GRHL1: variants seen among roughly 807,000 people sequenced by gnomAD.
GRHL1 encodes the protein grainyhead-like protein 1 homolog.
A neutral mutation model predicts 75.7 loss-of-function variants in GRHL1; 38 were observed. The ratio of observed to expected loss-of-function variants is 0.50; its 90% confidence interval spans 0.39 to 0.66. The LOEUF is 0.66. Ranked by LOEUF, GRHL1 falls within the 30% of genes least tolerant of loss-of-function variation. GRHL1 has a pLI of 0.00. For missense variants in GRHL1, 589 were observed against 767.5 expected (o/e 0.77, Z 2.75); for synonymous variants, 266 against 279.4 (o/e 0.95, Z 0.48).
chr2:9,977,235 G>A (rs1259569346), intron 8 of GRHL1, among the ~76,000 whole-genome samples: 3 of 152,344 alleles, frequency 2.0e-5, no homozygotes, highest in South Asian at 2.1e-4. Context: ...GAGACAGTAT[G>A]TAGATTTTGT....
chr2:9,986,040 T>G, intron 8 of GRHL1, 84 bp from the exon 9 acceptor site: 1 of 895,918 alleles, frequency 1.1e-6, no homozygotes, highest in Non-Finnish European at 1.6e-6. Context: ...ACTTGAGTAA[T>G]TTCAGTGATG....
chr2:9,954,510 C>T (rs989066236), intron 1 of GRHL1, among the ~76,000 whole-genome samples: 4 of 152,264 alleles, frequency 2.6e-5, no homozygotes, highest in South Asian at 4.1e-4. Flanking sequence ...GTGTGATGAA[C>T]GGCACACGCT....
At chr2:10,000,463 G>A (rs1432384895) in intron 15 of GRHL1, 130 bp from the exon 16 acceptor site, 1 of 643,530 alleles carries the variant, frequency 1.6e-6, no homozygotes, top group Non-Finnish European at 2.9e-6. Flanking sequence ...GGAAGTTGAG[G>A]CTTAAGGAGA....
rs994097168 is a variant in GRHL1, at chr2:9,974,664, G to A, written c.1110+9283G>A. ...TCTCTGTCTCATTATTGACCAATTT[G>A]ACTGTTTTCTAACATCCAGGAAATT... On this transcript the variant is annotated intron_variant, in intron 8 of 15. Transcript: ENST00000324907. 6.6e-5 allele frequency among the ~76,000 whole-genome samples: 10 copies of A among 152,310 alleles called. No homozygotes were observed. The South Asian group carries it at 2.1e-3, about 32-fold the overall frequency.
At chr2:9,986,763 G>C (rs998483309) in intron 9 of GRHL1, among the ~76,000 whole-genome samples, 1 of 152,082 alleles carries the variant, frequency 6.6e-6, no homozygotes, top group Admixed American at 6.5e-5. Context: ...CTGGAATTTA[G>C]TGGTGCAATC....
chr2:9,994,698 T>C (rs533846785), intron 12 of GRHL1, among the ~76,000 whole-genome samples: 1 of 152,184 alleles, frequency 6.6e-6, no homozygotes, highest in African/African-American at 2.4e-5. Context: ...CCCCTGCTCC[T>C]GAAGTGGCCA....
chr2:9,989,314 A>G (rs1668546140), intron 9 of GRHL1, among the ~76,000 whole-genome samples: 1 of 152,212 alleles, frequency 6.6e-6, no homozygotes, highest in African/African-American at 2.4e-5. Flanking sequence ...TTCATCCTTA[A>G]CTGGAGCACT....
At chr2:9,965,447 G>T in intron 8 of GRHL1, 66 bp downstream of exon 8, 2 of 852,940 alleles carry the variant, frequency 2.3e-6, no homozygotes, top group Non-Finnish European at 2.0e-6. Flanking sequence ...TTAATGATTT[G>T]ACAACTGATT....
At chr2:9,989,830 G>C (rs987992167) in intron 9 of GRHL1, among the ~76,000 whole-genome samples, 2 of 151,716 alleles carry the variant, frequency 1.3e-5, no homozygotes, top group African/African-American at 2.4e-5. Context: ...GATTACAAGC[G>C]TGAGCCACCG....
chr2:9,986,374 A>G (rs1668417818), intron 9 of GRHL1, 92 bp downstream of exon 9: 1 of 701,912 alleles, frequency 1.4e-6, no homozygotes, highest in Non-Finnish European at 2.3e-6. Context: ...CAAAATGAGA[A>G]TATAGCTGCT....
chr2:9,953,085 T>A (rs1015018563), intron 1 of GRHL1: 4 of 456,614 alleles, frequency 8.8e-6, no homozygotes, highest in African/African-American at 8.0e-5. Context: ...TCTTGACGTA[T>A]AGTTTAGATA....
At position 9,988,780 on chromosome 2, in the gene GRHL1, G is replaced by A. The variant is rs572212897; in HGVS notation, c.1270-1916G>A. 2.8e-4 allele frequency among the ~76,000 whole-genome samples: 43 copies of A among 152,228 alleles called. No individual in the cohort carries two copies. The South Asian group carries it at 8.3e-3, about 29-fold the overall frequency. ...GTTGCCTGCTGGTCAGGGCCTTCTCGTTCTTGTTTCTGCATTTCGTCTGGT... is the reference window on the plus strand; with the variant it reads ...GTTGCCTGCTGGTCAGGGCCTTCTCATTCTTGTTTCTGCATTTCGTCTGGT... On this transcript the variant is annotated intron_variant, in intron 9 of 15. Coordinates refer to ENST00000324907, the MANE Select transcript of GRHL1 (RefSeq NM_198182.3).
At position 9,990,847 on chromosome 2, in the gene GRHL1, C is replaced by T. The variant is rs1473746755; in HGVS notation, c.1321+100C>T. On this transcript the variant is annotated intron_variant, in intron 10 of 15. Transcript: ENST00000324907. The surrounding 1 kb of genome is among the most constrained non-coding windows in gnomAD (Gnocchi z 4.2). Reference sequence around the variant, plus strand: ...CATTGAGAATGGTGGCTGGAGTTTGCACGCAGAAGACAGTGGGTGTTCTTC... The same window carrying T: ...CATTGAGAATGGTGGCTGGAGTTTGTACGCAGAAGACAGTGGGTGTTCTTC... The T allele has an allele frequency of 2.1e-5, 19 of 893,510 alleles. No homozygotes were observed. Among genetic ancestry groups the T allele is most frequent in the Middle Eastern group, 2.2e-4 (1 of 4,500 alleles). 55.3% of individuals were successfully genotyped at this position (893,510 alleles called of 1,614,324 possible). A position where few individuals can be genotyped will look rare whatever the true frequency, so the allele number is the denominator to read the frequency against.
chr2:9,979,445 C>A (rs574892679), intron 8 of GRHL1, among the ~76,000 whole-genome samples: 1 of 152,016 alleles, frequency 6.6e-6, no homozygotes, highest in Non-Finnish European at 1.5e-5. Context: ...CGCTATGTTG[C>A]CCAGGGTGGT....
At chr2:9,973,823 T>G (rs1202883828) in intron 8 of GRHL1, among the ~76,000 whole-genome samples, 1 of 152,160 alleles carries the variant, frequency 6.6e-6, no homozygotes, top group African/African-American at 2.4e-5. Context: ...GTTAAAATGA[T>G]AAAGACTCCC....
At chr2:9,978,660 T>C (rs889054744) in intron 8 of GRHL1, among the ~76,000 whole-genome samples, 8 of 152,206 alleles carry the variant, frequency 5.3e-5, no homozygotes, top group African/African-American at 1.7e-4. Context: ...CTTGGTCTTA[T>C]GAACTTACTC....
rs567262961 is a variant in GRHL1, at chr2:9,988,079, T to C, written c.1269+1797T>C. Reference sequence around the variant, plus strand: ...CCTTTTTTGGATTTTTTGGATGATGTTTACTCTTTGTGTGGCATTTTGGTG... The same window carrying C: ...CCTTTTTTGGATTTTTTGGATGATGCTTACTCTTTGTGTGGCATTTTGGTG... On this transcript the variant is annotated intron_variant, in intron 9 of 15. Transcript: ENST00000324907. Among the ~76,000 whole-genome samples the C allele has an allele frequency of 3.3e-5, 5 of 152,222 alleles. No individual in the cohort carries two copies. In the South Asian group the frequency reaches 1.0e-3, roughly 32 times the overall value.
intron 2 of GRHL1, 75 bp from the exon 3 acceptor site, chr2:9,958,711 T>C (rs1392178987): frequency 1.8e-6 from 2 of 1,113,820 alleles, no homozygotes; most frequent in Non-Finnish European, 2.7e-6. Flanking sequence ...TACTGAAAAA[T>C]AAAAGGCTGT....
intron 4 of GRHL1, among the ~76,000 whole-genome samples, chr2:9,961,769 C>T (rs150557170): frequency 1.7e-3 from 255 of 152,194 alleles, no homozygotes; most frequent in Admixed American, 3.1e-3. Context: ...AGCACTTCTC[C>T]CAGTGCCAAA....
Sources: gnomAD v4.1 joint callset for allele counts (sites outside exome capture counted in the v4.1 genomes callset) on GRCh38, gnomAD v4.1.1 for gene constraint, Gnocchi (gnomAD v3.1) non-coding constraint, MANE v1.5 for transcripts, NCBI Gene and HGNC (gene_info 2026-07-23, HGNC 2026-07-21) for gene names.